The following ABR variants were observed in gnomAD, a reference collection of about 807,000 sequenced individuals.
The protein encoded by ABR is active breakpoint cluster region-related protein.
A neutral mutation model predicts 107.2 loss-of-function variants in ABR; 35 were observed. The ratio of observed to expected loss-of-function variants is 0.33; its 90% CI spans 0.25 to 0.43. ABR has a LOEUF of 0.43. ABR is among the 20% of genes least tolerant of loss of function. The pLI is 1.00. For missense variants in ABR, 815 were observed against 1,115.2 expected (o/e 0.73, Z 3.83); for synonymous variants, 498 against 462.0 (o/e 1.08, Z -1.00).
At chr17:1,088,155 A>G (rs1197237646) in intron 4 of ABR, among the ~76,000 whole-genome samples, 2 of 151,760 alleles carry the variant, frequency 1.3e-5, no homozygotes, top group Non-Finnish European at 1.5e-5. Context: ...CTGGGGAGGG[A>G]AAGTGGTGGG....
chr17:1,097,845 C>T (rs888844387), intron 3 of ABR, among the ~76,000 whole-genome samples: 2 of 152,254 alleles, frequency 1.3e-5, no homozygotes, highest in East Asian at 1.9e-4. Flanking sequence ...GTTTGGAAGA[C>T]GTGTTTCACG....
intron 1 of ABR, among the ~76,000 whole-genome samples, chr17:1,220,667 C>T (rs2043104370): frequency 1.3e-5 from 2 of 152,124 alleles, no homozygotes; most frequent in Admixed American, 6.6e-5. Flanking sequence ...TTGGAGGTGA[C>T]CCACTCCCCA....
At chr17:1,214,220 C>T (rs2042956697) in intron 1 of ABR, among the ~76,000 whole-genome samples, 2 of 151,852 alleles carry the variant, frequency 1.3e-5, no homozygotes, top group Non-Finnish European at 2.9e-5. Flanking sequence ...TTGGACTTCC[C>T]CGCCCCCCAC....
chr17:1,047,157 G>A (rs2376590), intron 16 of ABR, among the ~76,000 whole-genome samples: 23,819 of 152,254 alleles, frequency 0.16, 2,333 homozygotes, highest in Admixed American at 0.25. Flanking sequence ...TCCTCCTCCT[G>A]CCTTTCCTAC....
chr17:1,073,889 C>G (rs970561532), intron 6 of ABR, among the ~76,000 whole-genome samples: 1 of 152,126 alleles, frequency 6.6e-6, no homozygotes, highest in African/African-American at 2.4e-5. Context: ...CTGGCAGCCC[C>G]TGCTCCCTCC....
At chr17:1,033,229 G>A (rs528248477) in intron 16 of ABR, among the ~76,000 whole-genome samples, 27 of 152,310 alleles carry the variant, frequency 1.8e-4, no homozygotes, top group African/African-American at 5.5e-4. Context: ...GGCAGGTGTC[G>A]GGATTTCTCC....
chr17:1,182,857 C>T (rs569172551), upstream of ABR, among the ~76,000 whole-genome samples: 48 of 152,294 alleles, frequency 3.2e-4, no homozygotes, highest in African/African-American at 6.0e-4. Flanking sequence ...GCAGTCACTT[C>T]GAGATTCCCT....
chr17:1,095,434 A>G (rs1213527451), intron 3 of ABR, among the ~76,000 whole-genome samples: 1 of 152,014 alleles, frequency 6.6e-6, no homozygotes, highest in East Asian at 1.9e-4. Flanking sequence ...GCTGGCCAGG[A>G]CCCTCGAGGC....
At position 1,005,861 on chromosome 17, in the gene ABR, A is replaced by T; in HGVS notation, c.*219T>A. ...GCATCAGACACAACTAGAGGTATGGAGGGCAGGAGGTGGGATGCGGTGGTG... is the reference window on the plus strand; with the variant it reads ...GCATCAGACACAACTAGAGGTATGGTGGGCAGGAGGTGGGATGCGGTGGTG... On this transcript the variant is annotated 3_prime_UTR_variant, in exon 23 of 23. Transcript: ENST00000302538. 1 of 597,916 alleles carries T rather than the reference A, an allele frequency of 1.7e-6. No individual in the cohort carries two copies. The highest frequency in any genetic ancestry group is 2.8e-5 in the Admixed American group (1 of 35,106). 37.0% of individuals were successfully genotyped at this position (597,916 alleles called of 1,614,324 possible). A position where few individuals can be genotyped will look rare whatever the true frequency, so the allele number is the denominator to read the frequency against.
chr17:1,183,937 G>A (rs1156442697), upstream of ABR, among the ~76,000 whole-genome samples: 7 of 152,140 alleles, frequency 4.6e-5, no homozygotes, highest in South Asian at 6.2e-4. Context: ...CTGGCCAGGC[G>A]CGGTGGCTCA....
chr17:1,098,944 C>T (rs1275326141), intron 3 of ABR, among the ~76,000 whole-genome samples: 1 of 152,136 alleles, frequency 6.6e-6, no homozygotes, highest in Non-Finnish European at 1.5e-5. Flanking sequence ...CGCCACCACG[C>T]CCAGCTAATT....
At chr17:1,046,291 C>A (rs1960093) in intron 16 of ABR, among the ~76,000 whole-genome samples, 47,849 of 135,590 alleles carry the variant, frequency 0.35, 7,816 homozygotes, top group East Asian at 0.65. Context: ...GGCGTGGGCC[C>A]CACACCCAGC....
At chr17:1,012,440 C>A (rs533101880) in intron 18 of ABR, 1 of 688,960 alleles carries the variant, frequency 1.5e-6, no homozygotes, top group Admixed American at 2.0e-5. Context: ...CCGCTTGTTA[C>A]GAGGAGCAGA....
intron 2 of ABR, among the ~76,000 whole-genome samples, chr17:1,123,851 T>C (rs2151445314): frequency 6.6e-6 from 1 of 152,258 alleles, no homozygotes; most frequent in Non-Finnish European, 1.5e-5. Flanking sequence ...GCCCAATGCC[T>C]CCAGGAGAAC....
chr17:1,050,768 C>G lies in ABR; in HGVS notation c.1562-134G>C. On this transcript the variant is annotated intron_variant, in intron 14 of 22. Coordinates refer to ENST00000302538, the MANE Select transcript of ABR (RefSeq NM_021962.5). The surrounding 1 kb of genome is among the most constrained non-coding windows in gnomAD (Gnocchi z 4.6). ...CCACGGATGGCATCTTGGCTCTCTC[C>G]TCCCTGAAGCCCGGGACCATCTGGC... 4 of 713,716 alleles carry G rather than the reference C, an allele frequency of 5.6e-6. No homozygotes were observed. The allele number at this position is 713,716 out of a possible 1,614,324, so 44.2% of individuals were successfully genotyped here.
rs891687641 is a variant in ABR, at chr17:1,037,725, C to T, written c.1791+12325G>A. 2.6e-5 allele frequency among the ~76,000 whole-genome samples: 4 copies of T among 152,118 alleles called. No individual in the cohort carries two copies. The highest frequency in any genetic ancestry group is 9.7e-5 in the African/African-American group (4 of 41,416). The stretch of plus-strand genomic sequence containing the variant: ...CACAGCCATAAATTGCAGCCTGAGG[C>T]AGGAGGGGCTGAGGCCTGAAGGTGG... On this transcript the variant is annotated intron_variant, in intron 16 of 22. Transcript: ENST00000302538. The surrounding 1 kb of genome is among the most constrained non-coding windows in gnomAD (Gnocchi z 4.6).
intron 16 of ABR, among the ~76,000 whole-genome samples, chr17:1,046,070 C>G (rs2031542330): frequency 6.6e-6 from 1 of 152,070 alleles, no homozygotes; most frequent in Admixed American, 6.5e-5. Flanking sequence ...AGGGTTTCAC[C>G]ACGTTGACCA....
In ABR at chr17:1,203,400, C is replaced by CT. The variant is rs1567889055; in HGVS notation, c.838+25392_838+25393insA. Among the ~76,000 whole-genome samples, 19 of 21,270 alleles carry CT rather than the reference C, an allele frequency of 8.9e-4. 5 individuals carry two copies. The highest frequency in any genetic ancestry group is 1.7e-3 in the African/African-American group (11 of 6,424). The allele number at this position is 21,270 out of a possible 152,430, so 14.0% of individuals were successfully genotyped here. On this transcript the variant is annotated intron_variant, in intron 1 of 22. Transcript: ENST00000574139. ...CGGGGCCTTGAGGGGGCGGGGCCCGCGGGGGGCGGAGTCTGCGGGGGCGGG... is the reference window on the plus strand; with the variant it reads ...CGGGGCCTTGAGGGGGCGGGGCCCGCTGGGGGGCGGAGTCTGCGGGGGCGGG...
At chr17:1,217,593 T>C (rs1456705441) in intron 1 of ABR, among the ~76,000 whole-genome samples, 1 of 152,208 alleles carries the variant, frequency 6.6e-6, no homozygotes, top group African/African-American at 2.4e-5. Flanking sequence ...AACACTGAGG[T>C]GCAAAAAGGT....
Sources: allele counts gnomAD v4.1 joint callset (sites outside exome capture counted in the v4.1 genomes callset), GRCh38; gene constraint gnomAD v4.1.1; non-coding constraint Gnocchi (gnomAD v3.1); transcripts MANE v1.5; gene names NCBI Gene and HGNC (gene_info 2026-07-23, HGNC 2026-07-21).